SPDYA: variants seen among roughly 807,000 people sequenced by gnomAD.
The protein encoded by SPDYA is speedy protein A.
Under a neutral mutation model 36.7 loss-of-function variants are expected in SPDYA, and 11 were observed. The ratio of observed to expected loss-of-function variants is 0.30; its 90% CI spans 0.19 to 0.50. SPDYA has a LOEUF of 0.50. SPDYA is among the 20% of genes least tolerant of loss of function. SPDYA has a pLI of 0.98. For synonymous variants in SPDYA, 115 were observed against 118.7 expected (o/e 0.97, Z 0.20); for missense variants, 287 against 370.9 (o/e 0.77, Z 1.86).
intron 5 of SPDYA, among the ~76,000 whole-genome samples, chr2:28,826,695 A>C (rs1668332627): frequency 1.6e-5 from 2 of 124,006 alleles, no homozygotes; most frequent in South Asian, 5.1e-4. Context: ...GCTCACTGCG[A>C]TCTCCACCTC....
chr2:28,819,123 T>C lies in SPDYA; in HGVS notation c.294+17T>C. On this transcript the variant is annotated intron_variant, in intron 4 of 7. Coordinates refer to ENST00000334056, the MANE Select transcript of SPDYA (RefSeq NM_182756.4). ...GCAGACAAGGTAAATTTGGTAACAG[T>C]ATAACAATTAACCAGCATTATAATG... is the stretch of plus-strand genomic sequence containing the variant. 6.3e-7 allele frequency: 1 copy of C among 1,586,594 alleles called. No individual in the cohort carries two copies.
At chr2:28,849,278 T>G (rs1211658152) in intron 7 of SPDYA, among the ~76,000 whole-genome samples, 1 of 152,164 alleles carries the variant, frequency 6.6e-6, no homozygotes, top group African/African-American at 2.4e-5. Flanking sequence ...AATTCATGTT[T>G]CCAAAATGTA....
intron 7 of SPDYA, among the ~76,000 whole-genome samples, chr2:28,845,527 T>G (rs2148109413): frequency 6.6e-6 from 1 of 152,276 alleles, no homozygotes; most frequent in Non-Finnish European, 1.5e-5. Context: ...TATCTGGTTG[T>G]TCTTTCATAA....
rs557347801 is a variant in SPDYA, at chr2:28,827,977, TTTTTTTC to T, written c.381-1151_381-1145del. Among the ~76,000 whole-genome samples, 1,040 of 152,014 alleles carry T rather than the reference TTTTTTTC, an allele frequency of 6.8e-3. 7 individuals carry two copies. The highest frequency in any genetic ancestry group is 0.019 in the African/African-American group (786 of 41,454). On this transcript the variant is annotated intron_variant, in intron 5 of 7. Transcript: ENST00000334056. ...CTGATGCTGTGTTTATTTTTTCTTATTTTTTTCTTTTTTCTTTTTTCTTTTTGAGACA... is the reference window on the plus strand; with the variant it reads ...CTGATGCTGTGTTTATTTTTTCTTATTTTTTTCTTTTTTCTTTTTGAGACA...
intron 5 of SPDYA, among the ~76,000 whole-genome samples, chr2:28,823,338 T>G (rs1668217590): frequency 6.6e-6 from 1 of 152,056 alleles, no homozygotes; most frequent in Non-Finnish European, 1.5e-5. Context: ...AGAATATGTT[T>G]CTGGCCAGGC....
chr2:28,821,031 A>G (rs1489619319), intron 4 of SPDYA, among the ~76,000 whole-genome samples: 1 of 152,174 alleles, frequency 6.6e-6, no homozygotes, highest in Non-Finnish European at 1.5e-5. Context: ...CTGATCCCAG[A>G]CATCCTAACA....
intron 6 of SPDYA, among the ~76,000 whole-genome samples, chr2:28,835,555 A>T (rs1372122691): frequency 3.3e-5 from 5 of 152,234 alleles, no homozygotes; most frequent in Non-Finnish European, 7.3e-5. Flanking sequence ...TTCTATCTCC[A>T]GAGCCTAGAA....
Position 28,832,484 on chromosome 2 carries a change from C to T in SPDYA, c.552+3165C>T. 2.0e-5 allele frequency among the ~76,000 whole-genome samples: 3 copies of T among 152,312 alleles called. No homozygotes were observed. The Middle Eastern group carries it at 0.01, about 518-fold the overall frequency. Reference sequence around the variant, plus strand: ...TTCACTCTCAAGGCTTTAACACTAACAACTAATAATTTCTTCCAATTCCAG... The same window carrying T: ...TTCACTCTCAAGGCTTTAACACTAATAACTAATAATTTCTTCCAATTCCAG... On this transcript the variant is annotated intron_variant, in intron 6 of 7. Transcript: ENST00000334056.
At chr2:28,849,173 A>G (rs1668967640) in intron 7 of SPDYA, among the ~76,000 whole-genome samples, 1 of 152,230 alleles carries the variant, frequency 6.6e-6, no homozygotes, top group Admixed American at 6.5e-5. Context: ...GTCCATAGTA[A>G]GTGAAAAACA....
chr2:28,838,127 C>A (rs1018537490), intron 6 of SPDYA, among the ~76,000 whole-genome samples: 1 of 151,552 alleles, frequency 6.6e-6, no homozygotes, highest in Non-Finnish European at 1.5e-5. Flanking sequence ...ATAAAAGACA[C>A]CCTATGGCCC....
At chr2:28,824,739 T>C (rs911907076) in intron 5 of SPDYA, among the ~76,000 whole-genome samples, 3 of 151,580 alleles carry the variant, frequency 2.0e-5, no homozygotes, top group Non-Finnish European at 4.4e-5. Context: ...TTAGTAGAGA[T>C]GGGGTTTCAC....
At chr2:28,827,542 G>T (rs1668362589) in intron 5 of SPDYA, among the ~76,000 whole-genome samples, 1 of 151,970 alleles carries the variant, frequency 6.6e-6, no homozygotes, top group African/African-American at 2.4e-5. Flanking sequence ...TATTTTTATT[G>T]TAAGTTGCCT....
At chr2:28,812,221 A>AT (rs1020525398) in intron 1 of SPDYA, among the ~76,000 whole-genome samples, 26 of 152,230 alleles carry the variant, frequency 1.7e-4, no homozygotes, top group Non-Finnish European at 2.4e-4. Context: ...CATGTAACAC[A>AT]TTCATCAGTG....
chr2:28,840,982 T>C lies in SPDYA; in HGVS notation c.850+513T>C, dbSNP rs186818320. Among the ~76,000 whole-genome samples the C allele has an allele frequency of 1.9e-3, 269 of 145,026 alleles. 1 individual carries two copies. The highest frequency in any genetic ancestry group is 2.4e-3 in the Non-Finnish European group (159 of 66,888). On this transcript the variant is annotated intron_variant, in intron 7 of 7. Coordinates refer to ENST00000334056, the MANE Select transcript of SPDYA (RefSeq NM_182756.4). ...CAGAGTCTCACTTTGTCGCCCAGGC[T>C]GGAGTGCAGTGGGACAATCTTGGCT...
At chr2:28,849,576 C>A (rs1208254138) in intron 7 of SPDYA, among the ~76,000 whole-genome samples, 1 of 152,212 alleles carries the variant, frequency 6.6e-6, no homozygotes, top group Non-Finnish European at 1.5e-5. Flanking sequence ...CTGTGCCCAG[C>A]CCCCAAACAT....
intron 5 of SPDYA, among the ~76,000 whole-genome samples, chr2:28,822,991 C>T (rs1668207879): frequency 1.3e-5 from 2 of 151,236 alleles, no homozygotes; most frequent in Non-Finnish European, 3.0e-5. Flanking sequence ...CCCAAATTCT[C>T]CTCTTTGTGA....
At chr2:28,844,498 T>C (rs1668822158) in intron 7 of SPDYA, among the ~76,000 whole-genome samples, 1 of 151,876 alleles carries the variant, frequency 6.6e-6, no homozygotes, top group Non-Finnish European at 1.5e-5. Context: ...ATCATGAGAG[T>C]AAACAACTGA....
At chr2:28,823,235 G>T (rs1388960031) in intron 5 of SPDYA, among the ~76,000 whole-genome samples, 2 of 152,086 alleles carry the variant, frequency 1.3e-5, no homozygotes, top group African/African-American at 4.8e-5. Flanking sequence ...TTGTTTTCCA[G>T]TTCTTCCACT....
intron 5 of SPDYA, among the ~76,000 whole-genome samples, chr2:28,826,813 T>C (rs1444695966): frequency 6.6e-6 from 1 of 151,190 alleles, no homozygotes; most frequent in African/African-American, 2.4e-5. Context: ...ATGGGGTTTC[T>C]CCATGTTGCC....
Sources: allele counts gnomAD v4.1 joint callset (sites outside exome capture counted in the v4.1 genomes callset), GRCh38; gene constraint gnomAD v4.1.1; transcripts MANE v1.5; gene names NCBI Gene and HGNC (gene_info 2026-07-23, HGNC 2026-07-21).